ADAMTS3: variants seen among roughly 807,000 people sequenced by gnomAD.
ADAMTS3 encodes A disintegrin and metalloproteinase with thrombospondin motifs 3.
In ADAMTS3, 73 loss-of-function variants were observed where a neutral mutation model predicts 129.0. That is an observed-to-expected ratio of 0.57 (90% CI 0.47 to 0.69). ADAMTS3 has a LOEUF of 0.69. ADAMTS3 is among the 30% of genes least tolerant of loss of function. ADAMTS3 has a pLI of 0.00. For synonymous variants in ADAMTS3, 477 were observed against 510.8 expected (o/e 0.93, Z 0.89); for missense variants, 1,457 against 1,514.5 (o/e 0.96, Z 0.63).
intron 4 of ADAMTS3, among the ~76,000 whole-genome samples, chr4:72,377,322 A>G (rs780349462): frequency 2.6e-5 from 4 of 152,216 alleles, no homozygotes; most frequent in African/African-American, 7.2e-5. Flanking sequence ...CTTAGCAGTC[A>G]TGTTTGTTCT....
At chr4:72,501,718 T>G (rs1039403146) in intron 3 of ADAMTS3, among the ~76,000 whole-genome samples, 1 of 152,188 alleles carries the variant, frequency 6.6e-6, no homozygotes, top group Non-Finnish European at 1.5e-5. Flanking sequence ...AGTTCTTGAC[T>G]GCTTAGTATC....
At chr4:72,400,995 C>T (rs531654253) in intron 4 of ADAMTS3, among the ~76,000 whole-genome samples, 1 of 149,418 alleles carries the variant, frequency 6.7e-6, no homozygotes, top group African/African-American at 2.4e-5. Context: ...ATCCTAGACC[C>T]ACACTGTCCA....
chr4:72,402,490 G>T (rs1295761690), intron 4 of ADAMTS3, among the ~76,000 whole-genome samples: 1 of 152,022 alleles, frequency 6.6e-6, no homozygotes, highest in Non-Finnish European at 1.5e-5. Flanking sequence ...GTTTTTGAAG[G>T]CATAAAATAT....
chr4:72,532,739 T>G (rs1333958465), intron 3 of ADAMTS3, among the ~76,000 whole-genome samples: 1 of 152,186 alleles, frequency 6.6e-6, no homozygotes, highest in Non-Finnish European at 1.5e-5. Context: ...GCTGCAAACC[T>G]ACACAGCATG....
intron 3 of ADAMTS3, among the ~76,000 whole-genome samples, chr4:72,439,876 T>C (rs910755962): frequency 2.6e-5 from 4 of 151,386 alleles, no homozygotes; most frequent in African/African-American, 7.3e-5. Context: ...GCAATAATTT[T>C]CTAAAAAAAA....
chr4:72,366,648 G>C (rs1720876023), intron 4 of ADAMTS3, among the ~76,000 whole-genome samples: 1 of 152,064 alleles, frequency 6.6e-6, no homozygotes, highest in Non-Finnish European at 1.5e-5. Context: ...CCTAGGTCTT[G>C]GTGGGGACAT....
At chr4:72,465,316 C>T (rs547925557) in intron 3 of ADAMTS3, among the ~76,000 whole-genome samples, 4 of 151,954 alleles carry the variant, frequency 2.6e-5, no homozygotes, top group African/African-American at 9.6e-5. Context: ...TAGCAAGTTC[C>T]AAGAACAAAA....
rs184919879 is a variant in ADAMTS3 at position 72,414,866 on chromosome 4, A to C, written c.610T>G (p.Ser204Ala). The part of the protein sequence containing the change: ...KGRIHVVYKR[S>A]AVEQAPIDMS... ...TCTATGGGAGCCTGTTCTACAGCTGATCTCTTGTAGACAACATGAATCCTT... is the reference window on the plus strand; with the variant it reads ...TCTATGGGAGCCTGTTCTACAGCTGCTCTCTTGTAGACAACATGAATCCTT... The change falls in exon 4 of 22, where the codon TCA becomes GCA. Residue 204 changes from serine to alanine, a missense_variant. By Grantham distance (99) the Ser-to-Ala change is moderately conservative (BLOSUM62 1). Transcript: ENST00000286657. 400 of 1,565,170 alleles carry C rather than the reference A, an allele frequency of 2.6e-4. No individual in the cohort carries two copies. Among genetic ancestry groups the C allele is most frequent in the Non-Finnish European group, 3.2e-4 (372 of 1,158,076 alleles).
Position 72,339,706 on chromosome 4 carries a change from A to C in ADAMTS3, c.662-13T>G. The C allele has an allele frequency of 6.2e-7, 1 of 1,610,924 alleles. No homozygotes were observed. Among genetic ancestry groups the C allele is most frequent in the Non-Finnish European group, 8.5e-7 (1 of 1,177,812 alleles). On this transcript the variant is annotated splice_polypyrimidine_tract_variant and intron_variant, in intron 4 of 21. Coordinates refer to ENST00000286657, the MANE Select transcript of ADAMTS3 (RefSeq NM_014243.3). ...TCCAGGTCCGACTCTAATAAGAGAC[A>C]AAAGGAACCAGGAATTTCAGTTTCC... is the stretch of plus-strand genomic sequence containing the variant.
At chr4:72,323,704 T>A (rs770923954) in intron 5 of ADAMTS3, among the ~76,000 whole-genome samples, 3 of 152,194 alleles carry the variant, frequency 2.0e-5, no homozygotes, top group Non-Finnish European at 2.9e-5. Flanking sequence ...ACCTGTCAGA[T>A]GAATGTCAGC....
rs1454062498 is a variant in ADAMTS3 at position 72,281,877 on chromosome 4, T to C, written c.*1259A>G. On this transcript the variant is annotated 3_prime_UTR_variant, in exon 22 of 22. Coordinates refer to ENST00000286657, the MANE Select transcript of ADAMTS3 (RefSeq NM_014243.3). ...GAATTCTATGTACAAGTACTTTACA[T>C]CTACTCCCTGGAGAGAGCATTTCTG... 1.3e-5 allele frequency: 2 copies of C among 152,204 alleles called. No homozygotes were observed. The highest frequency in any genetic ancestry group is 2.9e-5 in the Non-Finnish European group (2 of 68,032). The allele number at this position is 152,204 out of a possible 1,614,324, so 9.4% of individuals were successfully genotyped here.
intron 4 of ADAMTS3, among the ~76,000 whole-genome samples, chr4:72,359,514 A>G (rs1004579549): frequency 6.6e-6 from 1 of 152,052 alleles, no homozygotes; most frequent in Non-Finnish European, 1.5e-5. Context: ...GGAAATTCTT[A>G]TAGTGAAAAT....
chr4:72,495,757 A>G (rs1719859162), intron 3 of ADAMTS3, among the ~76,000 whole-genome samples: 1 of 152,178 alleles, frequency 6.6e-6, no homozygotes, highest in African/African-American at 2.4e-5. Flanking sequence ...GCCAACCCAG[A>G]TCTTTAGAAC....
chr4:72,441,458 TATA>T (rs532635750), intron 3 of ADAMTS3, among the ~76,000 whole-genome samples: 57 of 151,968 alleles, frequency 3.8e-4, no homozygotes, highest in Non-Finnish European at 7.2e-4. Flanking sequence ...GAATATTTTT[TATA>T]ATATTTCAAT....
At chr4:72,319,500 G>A in intron 8 of ADAMTS3, 25 bp from the exon 9 acceptor site, 1 of 1,596,660 alleles carries the variant, frequency 6.3e-7, no homozygotes, top group Non-Finnish European at 8.5e-7. Flanking sequence ...GACCTCAGTG[G>A]TAAGAATCAG....
At chr4:72,469,512 G>A (rs1166389926) in intron 3 of ADAMTS3, among the ~76,000 whole-genome samples, 1 of 152,074 alleles carries the variant, frequency 6.6e-6, no homozygotes, top group Admixed American at 6.6e-5. Context: ...TTCATTAGAC[G>A]ACTAATAAAA....
chr4:72,516,385 A>G (rs1169964632), intron 3 of ADAMTS3, among the ~76,000 whole-genome samples: 2 of 152,170 alleles, frequency 1.3e-5, no homozygotes, highest in East Asian at 1.9e-4. Flanking sequence ...AGTCATTGGT[A>G]ACTTGATGGG....
At chr4:72,530,647 TA>T (rs1721000180) in intron 3 of ADAMTS3, among the ~76,000 whole-genome samples, 1 of 79,332 alleles carries the variant, frequency 1.3e-5, no homozygotes, top group African/African-American at 4.9e-5. Context: ...ATATTATATA[TA>T]ATATTATATA....
chr4:72,326,822 A>T (rs1462736591), intron 5 of ADAMTS3, among the ~76,000 whole-genome samples: 1 of 152,158 alleles, frequency 6.6e-6, no homozygotes, highest in Admixed American at 6.6e-5. Context: ...GTTAAATCTC[A>T]ATCTCAATGA....
Sources: allele counts gnomAD v4.1 joint callset (sites outside exome capture counted in the v4.1 genomes callset), GRCh38; gene constraint gnomAD v4.1.1; transcripts MANE v1.5; gene names NCBI Gene and HGNC (gene_info 2026-07-23, HGNC 2026-07-21).